Variants in TRDN observed in about 807,000 individuals in gnomAD.
The protein encoded by TRDN is triadin in skeletal muscle.
A neutral mutation model predicts 149.7 loss-of-function variants in TRDN; 161 were observed. The observed-to-expected ratio is 1.08, with a 90% CI of 0.95 to 1.23. The LOEUF (loss-of-function observed/expected upper bound fraction) is 1.23, where lower values mean the gene tolerates loss of function less well. Ranked by LOEUF, TRDN falls within the 50% of genes most tolerant of loss-of-function variation. The probability of loss-of-function intolerance (pLI) is 0.00; values close to 1 mark genes in which losing one functional copy is unlikely to be tolerated. For synonymous variants in TRDN, 294 were observed against 250.5 expected (o/e 1.17, Z -1.64); for missense variants, 896 against 823.5 (o/e 1.09, Z -1.08).
At chr6:123,490,867 G>A (rs551219402) in intron 9 of TRDN, among the ~76,000 whole-genome samples, 18 of 152,192 alleles carry the variant, frequency 1.2e-4, no homozygotes, top group Admixed American at 3.3e-4. Flanking sequence ...CACTTTGAGA[G>A]GCCGAGGTGG....
At chr6:123,319,178 A>G (rs1249316942) in intron 23 of TRDN, among the ~76,000 whole-genome samples, 1 of 152,132 alleles carries the variant, frequency 6.6e-6, no homozygotes, top group Admixed American at 6.6e-5. Context: ...TTTTTAAATT[A>G]TGCTCATAAA....
intron 23 of TRDN, among the ~76,000 whole-genome samples, chr6:123,319,433 A>G (rs1779160434): frequency 6.6e-6 from 1 of 151,948 alleles, no homozygotes; most frequent in Non-Finnish European, 1.5e-5. Flanking sequence ...TCTAACTAGG[A>G]TTTATTTCAA....
intron 13 of TRDN, among the ~76,000 whole-genome samples, chr6:123,391,402 A>G (rs1318876148): frequency 6.6e-6 from 1 of 151,972 alleles, no homozygotes; most frequent in African/African-American, 2.4e-5. Flanking sequence ...ACTCTATCAG[A>G]TATTAGTTCT....
chr6:123,316,422 T>G (rs370132069), intron 24 of TRDN, 35 bp downstream of exon 24: 2 of 1,591,820 alleles, frequency 1.3e-6, no homozygotes, highest in African/African-American at 2.7e-5. Context: ...AAACAGAACA[T>G]CTCCTTGTAT....
intron 38 of TRDN, among the ~76,000 whole-genome samples, chr6:123,245,020 A>C (rs1776123515): frequency 6.6e-6 from 1 of 152,200 alleles, no homozygotes; most frequent in African/African-American, 2.4e-5. Context: ...AGGAGAAATA[A>C]AATCCTTTAC....
intron 9 of TRDN, among the ~76,000 whole-genome samples, chr6:123,475,069 G>C (rs1777395470): frequency 6.6e-6 from 1 of 151,362 alleles, no homozygotes; most frequent in South Asian, 2.1e-4. Context: ...GAGCAGAACT[G>C]AAGGAAATAG....
chr6:123,324,079 G>A (rs766513799), intron 23 of TRDN, among the ~76,000 whole-genome samples: 7 of 152,120 alleles, frequency 4.6e-5, no homozygotes, highest in Non-Finnish European at 8.8e-5. Context: ...TCAGAAAGTT[G>A]TGCAAAGGCC....
At chr6:123,504,443 A>G (rs904871785) in intron 7 of TRDN, among the ~76,000 whole-genome samples, 1 of 152,200 alleles carries the variant, frequency 6.6e-6, no homozygotes, top group African/African-American at 2.4e-5. Flanking sequence ...GTTGACTAAC[A>G]GAAATAAAAC....
At chr6:123,580,429 G>A (rs1783066677) in intron 1 of TRDN, among the ~76,000 whole-genome samples, 1 of 152,112 alleles carries the variant, frequency 6.6e-6, no homozygotes, top group African/African-American at 2.4e-5. Flanking sequence ...AGAAAGATGG[G>A]ACTGTGATCT....
chr6:123,227,299 G>A (rs887779697), intron 38 of TRDN, among the ~76,000 whole-genome samples: 2 of 151,852 alleles, frequency 1.3e-5, no homozygotes, highest in African/African-American at 4.8e-5. Flanking sequence ...GAATGAAATA[G>A]AACTAAATAC....
At chr6:123,315,922 C>G (rs916336701) in intron 24 of TRDN, among the ~76,000 whole-genome samples, 10 of 151,764 alleles carry the variant, frequency 6.6e-5, no homozygotes. Context: ...AAATTAATGG[C>G]CAATAGGTCA....
At chr6:123,261,743 A>T (rs984782027) in intron 33 of TRDN, among the ~76,000 whole-genome samples, 30 of 151,896 alleles carry the variant, frequency 2.0e-4, no homozygotes, top group Non-Finnish European at 3.4e-4. Flanking sequence ...ATAAAAATAT[A>T]GTACTTTAAA....
intron 38 of TRDN, among the ~76,000 whole-genome samples, chr6:123,238,932 C>T (rs1402401203): frequency 2.0e-5 from 3 of 152,110 alleles, no homozygotes; most frequent in Non-Finnish European, 4.4e-5. Flanking sequence ...ACTCCACCTC[C>T]TGGGTTCAAG....
chr6:123,628,211 T>C (rs1372140439), intron 1 of TRDN, among the ~76,000 whole-genome samples: 4 of 152,174 alleles, frequency 2.6e-5, no homozygotes, highest in Non-Finnish European at 5.9e-5. Flanking sequence ...TTTTCAGCTT[T>C]TGATTGAAAG....
At chr6:123,631,616 A>T (rs1786012013) in intron 1 of TRDN, among the ~76,000 whole-genome samples, 1 of 152,052 alleles carries the variant, frequency 6.6e-6, no homozygotes, top group South Asian at 2.1e-4. Context: ...CTTACGAATA[A>T]ATTTGGTGAC....
intron 4 of TRDN, among the ~76,000 whole-genome samples, chr6:123,536,262 A>G (rs1444502298): frequency 6.6e-6 from 1 of 152,172 alleles, no homozygotes; most frequent in Non-Finnish European, 1.5e-5. Flanking sequence ...TTCAATGCCT[A>G]ACATGATGAC....
At chr6:123,277,696 C>T (rs1777422517) in intron 26 of TRDN, among the ~76,000 whole-genome samples, 1 of 152,126 alleles carries the variant, frequency 6.6e-6, no homozygotes, top group Non-Finnish European at 1.5e-5. Context: ...AAGGATTTCT[C>T]TCTACAGATT....
chr6:123,503,155 T>C lies in TRDN; in HGVS notation c.793+564A>G, dbSNP rs552773248. 138 of 985,272 alleles carry C rather than the reference T, an allele frequency of 1.4e-4. No individual in the cohort carries two copies. The South Asian group carries it at 5.1e-3, about 36-fold the overall frequency. The allele number at this position is 985,272 out of a possible 1,614,324, so 61.0% of individuals were successfully genotyped here. A position where few individuals can be genotyped will look rare whatever the true frequency, so the allele number is the denominator to read the frequency against. ...TTTCTAAAGTTAGAAATTTAGTCAA[T>C]GGAAACTGAAAAAGAAACTTGAGAA... On this transcript the variant is annotated intron_variant, in intron 8 of 40. Transcript: ENST00000334268.
chr6:123,444,332 G>T, intron 10 of TRDN, among the ~76,000 whole-genome samples: 1 of 121,182 alleles, frequency 8.3e-6, no homozygotes, highest in Non-Finnish European at 1.7e-5. Context: ...GTCTGTTGTT[G>T]GTGTATAAGA....
Sources: gnomAD v4.1 joint callset for allele counts (sites outside exome capture counted in the v4.1 genomes callset) on GRCh38, gnomAD v4.1.1 for gene constraint, MANE v1.5 for transcripts, NCBI Gene and HGNC (gene_info 2026-07-23, HGNC 2026-07-21) for gene names.